Variants in PARVB observed in about 807,000 individuals in gnomAD.
The protein encoded by PARVB is parvin beta, also known as beta-parvin.
Under a neutral mutation model 47.0 loss-of-function variants are expected in PARVB, and 46 were observed. That is an observed-to-expected ratio of 0.98 (90% CI 0.77 to 1.25). The LOEUF (loss-of-function observed/expected upper bound fraction) is 1.25. PARVB is among the 50% of genes most tolerant of loss of function. PARVB has a pLI of 0.00. For missense variants in PARVB, 473 were observed against 471.6 expected, an observed-to-expected ratio of 1.00 and a Z score of -0.03; for synonymous variants, 196 against 196.3, an observed-to-expected ratio of 1.00 and a Z score of 0.01.
intron 2 of PARVB, among the ~76,000 whole-genome samples, chr22:44,004,815 T>A (rs1370320490): frequency 6.6e-6 from 1 of 152,204 alleles, no homozygotes; most frequent in Non-Finnish European, 1.5e-5. Context: ...CAACACAACG[T>A]CCGGTTTGTG....
At chr22:44,022,769 CAG>C (rs2050666328), upstream of PARVB, among the ~76,000 whole-genome samples, 2 of 150,864 alleles carry the variant, frequency 1.3e-5, no homozygotes, top group African/African-American at 4.9e-5. Flanking sequence ...TTTTTGGAGA[CAG>C]AGTCTCGCTC....
At chr22:44,023,911 G>A (rs1603424051), upstream of PARVB, among the ~76,000 whole-genome samples, 2 of 152,214 alleles carry the variant, frequency 1.3e-5, no homozygotes, top group East Asian at 3.9e-4. Flanking sequence ...CCCCTGCCCC[G>A]GGCCTGGCTC....
At position 44,119,158 on chromosome 22, in the gene PARVB, A is replaced by G. The variant is rs769517609; in HGVS notation, c.376+18A>G. On this transcript the variant is annotated intron_variant, in intron 4 of 12. Transcript: ENST00000338758. ...GCTCTTGGGTGAGTTCACAGCAGGG[A>G]CAGCTCTGTCCCACCCCCATCTCCC... 6 of 1,562,494 alleles carry G rather than the reference A, an allele frequency of 3.8e-6. No individual in the cohort carries two copies. The highest frequency in any genetic ancestry group is 2.2e-5 in the South Asian group (2 of 90,064).
At chr22:44,146,359 A>ATG (rs1555911189) in intron 8 of PARVB, 1 of 149,642 alleles carries the variant, frequency 6.7e-6, no homozygotes, top group African/African-American at 2.5e-5. Flanking sequence ...TCACACACAC[A>ATG]CATGCACACA....
chr22:44,059,861 G>A lies in PARVB; in HGVS notation c.113-34067G>A, dbSNP rs149162271. On this transcript the variant is annotated intron_variant, in intron 1 of 12. Transcript: ENST00000338758. ...CAGCACTCGTCGTCTTTGGCGGGGC[G>A]TGTTTGCTCAGCATCATGGAAGGGG... Among the ~76,000 whole-genome samples the A allele has an allele frequency of 3.1e-4, 47 of 152,254 alleles. No homozygotes were observed. In the East Asian group the frequency reaches 7.5e-3, roughly 24 times the overall value.
Position 44,103,607 on chromosome 22 carries a change from A to T in PARVB, c.273+3484A>T, listed in dbSNP as rs765311480. 1 of 152,242 alleles carries T rather than the reference A, an allele frequency of 6.6e-6. No individual in the cohort carries two copies. The highest frequency in any genetic ancestry group is 1.5e-5 in the Non-Finnish European group (1 of 68,062). The allele number at this position is 152,242 out of a possible 1,614,324, so 9.4% of individuals were successfully genotyped here. On this transcript the variant is annotated intron_variant, in intron 3 of 12. Transcript: ENST00000338758. The surrounding 1 kb of genome is among the most constrained non-coding windows in gnomAD (Gnocchi z 4.6). Reference sequence around the variant, plus strand: ...CTATCATCTTACATGGCAAAGGGACATGGTGGGTGTAGTTAGTGACCTTGC... The same window carrying T: ...CTATCATCTTACATGGCAAAGGGACTTGGTGGGTGTAGTTAGTGACCTTGC...
chr22:44,110,387 G>A (rs1231714480), intron 3 of PARVB: 1 of 152,056 alleles, frequency 6.6e-6, no homozygotes, highest in Non-Finnish European at 1.5e-5. Flanking sequence ...GTTAATATCA[G>A]TTGACTGTGA....
chr22:44,020,921 C>G (rs149179455), upstream of PARVB, among the ~76,000 whole-genome samples: 1,824 of 152,196 alleles, frequency 0.012, 37 homozygotes, highest in African/African-American at 0.042. Context: ...GCTGGGATTA[C>G]AGACATGCAC....
exon 2 of PARVB, chr22:43,999,621 C>A: frequency 6.2e-7 from 1 of 1,613,854 alleles, no homozygotes; most frequent in African/African-American, 1.3e-5. Flanking sequence ...GTTCACTTCT[C>A]CCTGGCTCAG....
At chr22:44,090,183 G>A (rs750307436) in intron 1 of PARVB, among the ~76,000 whole-genome samples, 12 of 152,204 alleles carry the variant, frequency 7.9e-5, no homozygotes, top group African/African-American at 2.2e-4. Flanking sequence ...GGCTTAGTGC[G>A]GTGAGGGGAC....
intron 1 of PARVB, among the ~76,000 whole-genome samples, chr22:44,073,398 G>A (rs1460175372): frequency 2.6e-5 from 4 of 152,232 alleles, no homozygotes; most frequent in Non-Finnish European, 5.9e-5. Context: ...GGAAGCTGAG[G>A]CAGGAGAATC....
intron 4 of PARVB, among the ~76,000 whole-genome samples, chr22:44,129,859 A>G (rs12628899): frequency 0.22 from 33,592 of 152,134 alleles, 4,779 homozygotes; most frequent in East Asian, 0.59. Context: ...TATCTGTGCC[A>G]TATCCAGCAC....
At chr22:44,065,068 G>A (rs1216036218) in intron 1 of PARVB, among the ~76,000 whole-genome samples, 1 of 152,196 alleles carries the variant, frequency 6.6e-6, no homozygotes, top group East Asian at 1.9e-4. Context: ...CAGAGCTTAT[G>A]TGGGGCCAGC....
chr22:44,081,565 A>G, intron 1 of PARVB: 1 of 984,490 alleles, frequency 1.0e-6, no homozygotes, highest in Non-Finnish European at 1.2e-6. Flanking sequence ...CTTGGGAACC[A>G]GCGAACGTGC....
chr22:44,030,109 A>C (rs2050798964), intron 1 of PARVB, among the ~76,000 whole-genome samples: 1 of 152,046 alleles, frequency 6.6e-6, no homozygotes, highest in Non-Finnish European at 1.5e-5. Context: ...GGGTTGCCCC[A>C]AAACACTAAG....
chr22:44,001,066 C>G (rs895924653), intron 2 of PARVB, among the ~76,000 whole-genome samples: 2 of 152,202 alleles, frequency 1.3e-5, no homozygotes, highest in Non-Finnish European at 2.9e-5. Context: ...CTGGCTAACA[C>G]AGTGAAACCC....
intron 4 of PARVB, among the ~76,000 whole-genome samples, chr22:44,124,940 C>T (rs2053155191): frequency 6.6e-6 from 1 of 152,066 alleles, no homozygotes; most frequent in South Asian, 2.1e-4. Flanking sequence ...AAACTTGGCC[C>T]TGAAAACACA....
intron 2 of PARVB, among the ~76,000 whole-genome samples, chr22:44,003,571 C>A (rs936702579): frequency 3.9e-5 from 6 of 152,196 alleles, no homozygotes; most frequent in Non-Finnish European, 8.8e-5. Flanking sequence ...ACTGGACTCC[C>A]TGGAATCTGA....
chr22:44,068,692 G>A lies in PARVB; in HGVS notation c.113-25236G>A, dbSNP rs1446235156. ...TGGTGCCACCTCTTGCCGGGGGTCA[G>A]GCAGAGGAGACCCAGCTCCGTGCCA... On this transcript the variant is annotated intron_variant, in intron 1 of 12. Transcript: ENST00000338758. This position sits in a 1 kb window ranked among gnomAD's most constrained non-coding sequence, Gnocchi z 4.1. Among the ~76,000 whole-genome samples the A allele has an allele frequency of 6.6e-6, 1 of 152,210 alleles. No individual in the cohort carries two copies. The highest frequency in any genetic ancestry group is 2.4e-5 in the African/African-American group (1 of 41,460).
Sources: gnomAD v4.1 joint callset for allele counts (sites outside exome capture counted in the v4.1 genomes callset) on GRCh38, gnomAD v4.1.1 for gene constraint, Gnocchi (gnomAD v3.1) non-coding constraint, MANE v1.5 for transcripts, NCBI Gene and HGNC (gene_info 2026-07-23, HGNC 2026-07-21) for gene names.